Variants in VPS13B observed in about 807,000 individuals in gnomAD.
VPS13B encodes vacuolar protein sorting 13 homolog B.
In VPS13B, 285 loss-of-function variants were observed where a neutral mutation model predicts 426.4. That is an observed-to-expected ratio of 0.67 (90% confidence interval 0.61 to 0.74). The LOEUF (loss-of-function observed/expected upper bound fraction) is 0.74, where lower values mean the gene tolerates loss of function less well. VPS13B is among the 30% of genes least tolerant of loss of function. The pLI, the probability that VPS13B is intolerant of heterozygous loss-of-function variation, is 0.00. For synonymous variants in VPS13B, 1,676 were observed against 1,676.4 expected, an observed-to-expected ratio of 1.00 and a Z score of 0.01; for missense variants, 4,537 against 4,782.6, an observed-to-expected ratio of 0.95 and a Z score of 1.51.
At chr8:99,251,155 C>T (rs1265704215) in intron 17 of VPS13B, among the ~76,000 whole-genome samples, 1 of 151,926 alleles carries the variant, frequency 6.6e-6, no homozygotes, top group African/African-American at 2.4e-5. Context: ...ATCTGTATAC[C>T]TTTTATCTCT....
intron 35 of VPS13B, chr8:99,697,482 A>C: frequency 2.7e-6 from 2 of 739,566 alleles, no homozygotes; most frequent in Non-Finnish European, 2.5e-6. Context: ...GCCTGCTCTA[A>C]GCTGAAGGAG....
intron 33 of VPS13B, among the ~76,000 whole-genome samples, chr8:99,637,506 T>C (rs533151460): frequency 6.6e-6 from 1 of 152,082 alleles, no homozygotes; most frequent in Non-Finnish European, 1.5e-5. Flanking sequence ...TGCTCAGTAG[T>C]GATTAGAATT....
At chr8:99,821,024 C>G (rs1814326774) in intron 49 of VPS13B, among the ~76,000 whole-genome samples, 1 of 148,880 alleles carries the variant, frequency 6.7e-6, no homozygotes, top group East Asian at 2.0e-4. Context: ...CCCCTCCCTT[C>G]CGTAAATACG....
chr8:99,219,496 G>A (rs1045381429), intron 17 of VPS13B, among the ~76,000 whole-genome samples: 1 of 152,224 alleles, frequency 6.6e-6, no homozygotes, highest in Non-Finnish European at 1.5e-5. Flanking sequence ...AATACTACAG[G>A]CAGGATAATT....
At chr8:99,490,837 C>G (rs1485754423) in intron 25 of VPS13B, among the ~76,000 whole-genome samples, 2 of 152,016 alleles carry the variant, frequency 1.3e-5, no homozygotes, top group Admixed American at 1.3e-4. Context: ...CTCTGTTGAT[C>G]TTTTCAAAAA....
chr8:99,356,646 C>G lies in VPS13B; in HGVS notation c.2825-27562C>G, dbSNP rs1019917820. ...TCAGGGACAGAGTGACACCCTGTCT[C>G]AAACAAACAAACAAACAAGTATCTT... On this transcript the variant is annotated intron_variant, in intron 19 of 61. Transcript: ENST00000357162. 2.0e-5 allele frequency among the ~76,000 whole-genome samples: 3 copies of G among 151,916 alleles called. No homozygotes were observed. The East Asian group carries it at 5.8e-4, about 29-fold the overall frequency.
chr8:99,871,254 C>A, intron 60 of VPS13B, 194 bp from the exon 61 acceptor site: 1 of 848,008 alleles, frequency 1.2e-6, no homozygotes, highest in Non-Finnish European at 1.9e-6. Flanking sequence ...AATCTTTGTT[C>A]CCAGGAGGAA....
chr8:99,505,242 C>T (rs1821433293), intron 27 of VPS13B, among the ~76,000 whole-genome samples: 1 of 152,340 alleles, frequency 6.6e-6, no homozygotes, highest in South Asian at 2.1e-4. Flanking sequence ...TGCAAGTTCT[C>T]TGGAGCAGCA....
chr8:99,572,119 G>T (rs550667755), intron 31 of VPS13B, among the ~76,000 whole-genome samples: 4 of 152,214 alleles, frequency 2.6e-5, no homozygotes, highest in Admixed American at 2.6e-4. Context: ...TATTTAAAAG[G>T]AATATTAAGT....
At chr8:99,404,075 T>G (rs1181007152) in intron 21 of VPS13B, among the ~76,000 whole-genome samples, 1 of 152,228 alleles carries the variant, frequency 6.6e-6, no homozygotes, top group Non-Finnish European at 1.5e-5. Flanking sequence ...TAGCACAATG[T>G]ATTAATTTTT....
chr8:99,253,829 G>C (rs761440932), intron 17 of VPS13B, among the ~76,000 whole-genome samples: 3 of 151,994 alleles, frequency 2.0e-5, no homozygotes, highest in Non-Finnish European at 4.4e-5. Context: ...TGGGTTAGTT[G>C]AACATTATTT....
At chr8:99,426,195 G>C (rs1183620301) in intron 21 of VPS13B, among the ~76,000 whole-genome samples, 1 of 146,506 alleles carries the variant, frequency 6.8e-6, no homozygotes, top group Non-Finnish European at 1.5e-5. Flanking sequence ...AGTTTACTGA[G>C]AATGATGATT....
intron 19 of VPS13B, among the ~76,000 whole-genome samples, chr8:99,343,790 G>C (rs557229230): frequency 1.3e-5 from 2 of 152,194 alleles, no homozygotes; most frequent in East Asian, 3.9e-4. Flanking sequence ...CCATTCTGAA[G>C]ACTATAGAAC....
At chr8:99,441,975 CT>C (rs1817702479) in intron 22 of VPS13B, among the ~76,000 whole-genome samples, 1 of 151,972 alleles carries the variant, frequency 6.6e-6, no homozygotes. Flanking sequence ...ATATTCTAGT[CT>C]GTAAAGTAAA....
chr8:99,225,986 C>T (rs1263737052), intron 17 of VPS13B, among the ~76,000 whole-genome samples: 1 of 152,090 alleles, frequency 6.6e-6, no homozygotes, highest in Admixed American at 6.5e-5. Context: ...GCTCTGTCGC[C>T]CAGGCTGGAG....
In VPS13B at chr8:99,103,394, A is replaced by T. The variant is rs535827606; in HGVS notation, c.580+274A>T. Among the ~76,000 whole-genome samples, 3 of 151,106 alleles carry T rather than the reference A, an allele frequency of 2.0e-5. No individual in the cohort carries two copies. The South Asian group carries it at 6.3e-4, about 32-fold the overall frequency. ...GCCCAGGCTGGAGTGCAGTGGTGTG[A>T]TCTCAGCTCACTGCAACCTCTGCCT... On this transcript the variant is annotated intron_variant, in intron 5 of 61. Transcript: ENST00000357162.
intron 35 of VPS13B, among the ~76,000 whole-genome samples, chr8:99,672,609 C>A (rs192536379): frequency 6.6e-6 from 1 of 151,956 alleles, no homozygotes; most frequent in Non-Finnish European, 1.5e-5. Context: ...TTAAATTCAC[C>A]TTTTCCTATT....
intron 33 of VPS13B, among the ~76,000 whole-genome samples, chr8:99,591,550 G>A (rs1050519052): frequency 6.6e-6 from 1 of 152,020 alleles, no homozygotes; most frequent in African/African-American, 2.4e-5. Flanking sequence ...AGATGTGGTG[G>A]TGACAAAATC....
intron 25 of VPS13B, among the ~76,000 whole-genome samples, chr8:99,485,965 C>T (rs1397052352): frequency 6.6e-6 from 1 of 152,074 alleles, no homozygotes; most frequent in Admixed American, 6.6e-5. Context: ...TCTGCTGACT[C>T]TCCCTTTTTC....
Sources: allele counts gnomAD v4.1 joint callset (sites outside exome capture counted in the v4.1 genomes callset), GRCh38; gene constraint gnomAD v4.1.1; transcripts MANE v1.5; gene names NCBI Gene and HGNC (gene_info 2026-07-23, HGNC 2026-07-21).